Variants in PRADC1 observed in about 807,000 individuals in gnomAD.
PRADC1 encodes protease-associated domain-containing protein 1.
PRADC1 carries 23 observed loss-of-function variants against 22.9 expected under a neutral mutation model. The ratio of observed to expected loss-of-function variants is 1.00; its 90% confidence interval spans 0.72 to 1.42. PRADC1 has a LOEUF of 1.42. PRADC1 is among the 40% of genes most tolerant of loss of function. The pLI is 0.00. For synonymous variants in PRADC1, 71 were observed against 100.3 expected (o/e 0.71, Z 1.75); for missense variants, 207 against 258.3 (o/e 0.80, Z 1.36).
In PRADC1 at chr2:73,230,166, C is replaced by T. The variant is rs1686609228; in HGVS notation, c.115G>A (p.Asp39Asn). 6.2e-7 allele frequency: 1 copy of T among 1,614,028 alleles called. No individual in the cohort carries two copies. The highest frequency in any genetic ancestry group is 8.5e-7 in the Non-Finnish European group (1 of 1,179,884). ...GTGGCTGTGAAGATGTATCGAATGT[C>T]CCCAGGACTCAGCACTTGAAAGTAC... Reference protein sequence around the residue: ...YLYFQVLSPGDIRYIFTATPA... With the variant: ...YLYFQVLSPGNIRYIFTATPA... Residue 39 changes from aspartate (D) to asparagine (N), a missense_variant, in exon 2 of 5, where the codon GAC (aspartate) becomes AAC (asparagine). Transcript: ENST00000258083.
chr2:73,229,952 A>G (rs1686603706), intron 2 of PRADC1, 161 bp downstream of exon 2: 2 of 623,802 alleles, frequency 3.2e-6, no homozygotes, highest in South Asian at 3.8e-5. Context: ...TCAGGGGAGT[A>G]GCTGGAAGAG....
chr2:73,228,629 C>T lies in PRADC1; in HGVS notation c.447-55G>A. ...GTCACTTTCTTGGTACCCCATCATG[C>T]CCCACTGTCCCCATCAATCTGGGAG... On this transcript the variant is annotated intron_variant, in intron 4 of 4. Transcript: ENST00000258083. The surrounding 1 kb of genome is among the most constrained non-coding windows in gnomAD (Gnocchi z 4.0). 3 of 1,611,334 alleles carry T rather than the reference C, an allele frequency of 1.9e-6. No homozygotes were observed. Among genetic ancestry groups the T allele is most frequent in the Admixed American group, 1.7e-5 (1 of 59,978 alleles).
In PRADC1 at chr2:73,229,463, C is replaced by T. The variant is rs146297363; in HGVS notation, c.276G>A (p.Arg92=). 1.2e-6 allele frequency: 2 copies of T among 1,611,542 alleles called. No individual in the cohort carries two copies. The highest frequency in any genetic ancestry group is 2.2e-5 in the East Asian group (1 of 44,878). ...FIQDQIALVE[R]GGCSFLSKTR... ...TGTCCTGCCTGCCCACTCCTTACCC[C>T]CTCTCCACCAGAGCAATCTGGTCCT... The change falls in exon 3 of 5, where the codon AGG becomes AGA. Residue 92 remains arginine, a splice_region_variant and synonymous_variant. Coordinates refer to ENST00000258083, the MANE Select transcript of PRADC1 (RefSeq NM_032319.3).
intron 1 of PRADC1, among the ~76,000 whole-genome samples, chr2:73,230,933 T>G (rs1686624341): frequency 6.6e-6 from 1 of 152,134 alleles, no homozygotes; most frequent in South Asian, 2.1e-4. Context: ...GGCCCCCTAC[T>G]CCCACGCCAC....
Position 73,228,256 on chromosome 2 carries a change from T to G in PRADC1, c.*198A>C. 10 of 622,192 alleles carry G rather than the reference T, an allele frequency of 1.6e-5. No individual in the cohort carries two copies. Among genetic ancestry groups the G allele is most frequent in the East Asian group, 2.9e-5 (1 of 34,080 alleles). 38.5% of individuals were successfully genotyped at this position (622,192 alleles called of 1,614,324 possible). On this transcript the variant is annotated 3_prime_UTR_variant, in exon 5 of 5. Transcript: ENST00000258083. The surrounding 1 kb of genome is among the most constrained non-coding windows in gnomAD (Gnocchi z 4.0). The stretch of plus-strand genomic sequence containing the variant: ...CTGTCTCTTGCCTCTTCTTGTAGCA[T>G]GAGACACCCTTGGGGGCCCTGGGGA...
intron 1 of PRADC1, among the ~76,000 whole-genome samples, 155 bp downstream of exon 1, chr2:73,232,939 G>C (rs1574347358): frequency 6.6e-6 from 1 of 152,246 alleles, no homozygotes; most frequent in East Asian, 1.9e-4. Flanking sequence ...TATGTCCTTG[G>C]ACCACCACCC....
intron 2 of PRADC1, 100 bp downstream of exon 2, chr2:73,230,013 T>C (rs1404100346): frequency 2.9e-5 from 24 of 831,648 alleles, no homozygotes; most frequent in Non-Finnish European, 4.5e-5. Flanking sequence ...TCTGCTCCCT[T>C]CCCTGTCCCA....
intron 1 of PRADC1, 99 bp downstream of exon 1, chr2:73,232,995 G>C (rs1163934185): frequency 1.5e-6 from 2 of 1,375,688 alleles, no homozygotes; most frequent in South Asian, 1.3e-5. Flanking sequence ...CTCTGAACTC[G>C]CAGGGTCCCC....
rs769440446 is a variant in PRADC1, at chr2:73,233,178, G to C, written c.-18C>G. The C allele has an allele frequency of 5.8e-5, 79 of 1,356,450 alleles. No homozygotes were observed. In the South Asian group the frequency reaches 1.3e-3, roughly 22 times the overall value. The allele number at this position is 1,356,450 out of a possible 1,614,324, so 84.0% of individuals were successfully genotyped here. ...GGGACCATCTCCAGGGCCGGGCCCG[G>C]CCCGGCGCCGCGTTTCCTCTCGCCG... On this transcript the variant is annotated 5_prime_UTR_variant, in exon 1 of 5. Transcript: ENST00000258083.
Position 73,228,801 on chromosome 2 carries a change from C to T in PRADC1, c.440G>A (p.Arg147Gln), listed in dbSNP as rs371203719. ...AGAGGCAAGGAGCCCTCACCCGTCT[C>T]GGCCGAGCAGGAAGAGGGCGGGGAT... The part of the protein sequence containing the change: ...ADIPALFLLG[R>Q]DGYMIRRSLE... The change falls in exon 4 of 5, where the codon CGA becomes CAA. Residue 147 changes from arginine to glutamine, a missense_variant. By Grantham distance (43) the Arg-to-Gln change is conservative. Transcript: ENST00000258083. This position sits in a 1 kb window ranked among gnomAD's most constrained non-coding sequence, Gnocchi z 4.0. The T allele has an allele frequency of 1.1e-5, 17 of 1,611,508 alleles. No homozygotes were observed. Among genetic ancestry groups the T allele is most frequent in the Non-Finnish European group, 1.3e-5 (15 of 1,178,684 alleles).
chr2:73,228,488 A>G lies in PRADC1; in HGVS notation c.533T>C (p.Phe178Ser). The G allele has an allele frequency of 1.2e-6, 2 of 1,614,194 alleles. No homozygotes were observed. The highest frequency in any genetic ancestry group is 2.2e-5 in the East Asian group (1 of 44,882). Reference protein sequence around the residue: ...IPVNVTSIPTFELLQPPWTFW With the variant: ...IPVNVTSIPTSELLQPPWTFW ...GGTCCAGGGCGGTTGCAGCAGCTCA[A>G]AGGTGGGGATGCTGGTGACATTGAC... Residue 178 changes from phenylalanine (F) to serine (S), a missense_variant, in exon 5 of 5, where the codon TTT becomes TCT. Phe to Ser is a radical substitution (Grantham distance 155, BLOSUM62 -2). Coordinates refer to ENST00000258083, the MANE Select transcript of PRADC1 (RefSeq NM_032319.3). The surrounding 1 kb of genome is among the most constrained non-coding windows in gnomAD (Gnocchi z 4.0).
intron 1 of PRADC1, among the ~76,000 whole-genome samples, chr2:73,232,154 T>C (rs999763533): frequency 3.3e-5 from 5 of 151,854 alleles, no homozygotes; most frequent in African/African-American, 1.2e-4. Flanking sequence ...GCTAACACGG[T>C]GAAACCCCCG....
intron 1 of PRADC1, among the ~76,000 whole-genome samples, chr2:73,232,468 A>G (rs1193055479): frequency 6.6e-6 from 1 of 152,200 alleles, no homozygotes; most frequent in East Asian, 1.9e-4. Flanking sequence ...CCCAAATCAC[A>G]GCCATCAGTT....
In PRADC1 at chr2:73,228,706, A is replaced by C; in HGVS notation, c.446+89T>G. On this transcript the variant is annotated intron_variant, in intron 4 of 4. Transcript: ENST00000258083. The surrounding 1 kb of genome is among the most constrained non-coding windows in gnomAD (Gnocchi z 4.0). Reference sequence around the variant, plus strand: ...CCTCTAACTGAAGCACCCCAAGTTGAGGCCTGCAAGAAGGGACTGGTGATT... The same window carrying C: ...CCTCTAACTGAAGCACCCCAAGTTGCGGCCTGCAAGAAGGGACTGGTGATT... The C allele has an allele frequency of 6.3e-7, 1 of 1,583,066 alleles. No homozygotes were observed. The highest frequency in any genetic ancestry group is 8.6e-7 in the Non-Finnish European group (1 of 1,161,046).
intron 1 of PRADC1, among the ~76,000 whole-genome samples, chr2:73,231,840 A>G (rs965090781): frequency 6.6e-5 from 10 of 152,216 alleles, no homozygotes; most frequent in Admixed American, 1.3e-4. Context: ...CAGTGGCTAC[A>G]ATATAGGGAT....
Position 73,230,194 on chromosome 2 carries a change from A to G in PRADC1, c.87T>C (p.Tyr29=), listed in dbSNP as rs1281496167. 1 of 1,613,540 alleles carries G rather than the reference A, an allele frequency of 6.2e-7. No homozygotes were observed. The part of the protein sequence containing the change: ...VAAHGFRIHD[Y]LYFQVLSPGD... ...CAGGACTCAGCACTTGAAAGTACAA[A>G]TAATCATGGATACGGAAGCCTGAAG... The change falls in exon 2 of 5, where the codon TAT becomes TAC. Residue 29 remains tyrosine (Y), a synonymous_variant. Transcript: ENST00000258083.
Position 73,228,639 on chromosome 2 carries a change from C to A in PRADC1, c.447-65G>T. 6.2e-7 allele frequency: 1 copy of A among 1,609,196 alleles called. No individual in the cohort carries two copies. The highest frequency in any genetic ancestry group is 1.1e-5 in the South Asian group (1 of 90,910). ...TGGTACCCCATCATGCCCCACTGTC[C>A]CCATCAATCTGGGAGTTCCAAAGCC... is the stretch of plus-strand genomic sequence containing the variant. On this transcript the variant is annotated intron_variant, in intron 4 of 4. Transcript: ENST00000258083. This position sits in a 1 kb window ranked among gnomAD's most constrained non-coding sequence, Gnocchi z 4.0.
chr2:73,229,528 G>C lies in PRADC1; in HGVS notation c.211C>G (p.Pro71Ala). 6.2e-7 allele frequency: 1 copy of C among 1,614,034 alleles called. No homozygotes were observed. Among genetic ancestry groups the C allele is most frequent in the East Asian group, 2.2e-5 (1 of 44,882 alleles). ...EQIHLVPAEP[P>A]EACGELSNGF... Reference sequence around the variant, plus strand: ...TTGCTGAGTTCCCCGCAGGCCTCTGGAGGTTCAGCGGGGACAAGGTGAATC... The same window carrying C: ...TTGCTGAGTTCCCCGCAGGCCTCTGCAGGTTCAGCGGGGACAAGGTGAATC... Residue 71 changes from proline (P) to alanine (A), a missense_variant, in exon 3 of 5, where the codon CCA (proline) becomes GCA (alanine). Transcript: ENST00000258083.
At position 73,229,770 on chromosome 2, in the gene PRADC1, C is replaced by G. The variant is rs3738851; in HGVS notation, c.169-200G>C. On this transcript the variant is annotated intron_variant, in intron 2 of 4. Transcript: ENST00000258083. ...GGTTGTCCTACACCACCCTACCCTT[C>G]TATGAGATAGGCAGGGGACTTGGTT... 9.6e-4 allele frequency: 570 copies of G among 595,062 alleles called. 4 individuals are homozygous for G. The Middle Eastern group carries it at 9.8e-3, about 10-fold the overall frequency. The allele number at this position is 595,062 out of a possible 1,614,324, so 36.9% of individuals were successfully genotyped here.
Sources: gnomAD v4.1 joint callset for allele counts (sites outside exome capture counted in the v4.1 genomes callset) on GRCh38, gnomAD v4.1.1 for gene constraint, Gnocchi (gnomAD v3.1) non-coding constraint, MANE v1.5 for transcripts, NCBI Gene and HGNC (gene_info 2026-07-23, HGNC 2026-07-21) for gene names.